EXT1: variants seen among roughly 807,000 people sequenced by gnomAD.
EXT1 encodes exostosin glycosyltransferase 1.
EXT1 carries 20 observed loss-of-function variants against 82.5 expected under a neutral mutation model. That is an observed-to-expected ratio of 0.24 (90% CI 0.17 to 0.35). The LOEUF (loss-of-function observed/expected upper bound fraction) is 0.35. EXT1 is among the 10% of genes least tolerant of loss of function. The probability of loss-of-function intolerance (pLI) is 1.00; values close to 1 mark genes in which losing one functional copy is unlikely to be tolerated. For missense variants in EXT1, 757 were observed against 936.5 expected (o/e 0.81, Z 2.50); for synonymous variants, 348 against 350.8 (o/e 0.99, Z 0.09).
chr8:117,968,976 A>G (rs1814885423), intron 1 of EXT1, among the ~76,000 whole-genome samples: 1 of 152,220 alleles, frequency 6.6e-6, no homozygotes, highest in African/African-American at 2.4e-5. Flanking sequence ...AATAAGTTCT[A>G]TACCATGGTG....
chr8:117,840,629 AAAAG>A (rs1056557106), intron 1 of EXT1, among the ~76,000 whole-genome samples: 4 of 152,030 alleles, frequency 2.6e-5, no homozygotes, highest in African/African-American at 7.2e-5. Flanking sequence ...AAAAAAAAAA[AAAAG>A]AAAGAGAGAA....
intron 8 of EXT1, among the ~76,000 whole-genome samples, chr8:117,812,194 A>G (rs964358785): frequency 6.6e-6 from 1 of 152,204 alleles, no homozygotes; most frequent in African/African-American, 2.4e-5. Flanking sequence ...GGTCCTCTGC[A>G]TGGTTTAAAG....
intron 1 of EXT1, among the ~76,000 whole-genome samples, chr8:118,056,215 A>G (rs1036605008): frequency 3.3e-5 from 5 of 152,240 alleles, no homozygotes; most frequent in African/African-American, 1.2e-4. Context: ...AATGCTTCTC[A>G]AACCTTTTTG....
At chr8:118,099,750 C>A (rs938694723) in intron 1 of EXT1, among the ~76,000 whole-genome samples, 3 of 152,250 alleles carry the variant, frequency 2.0e-5, no homozygotes, top group African/African-American at 7.2e-5. Flanking sequence ...CATTACCCTG[C>A]ACATAGGATG....
chr8:117,980,059 C>T (rs987452900), intron 1 of EXT1, among the ~76,000 whole-genome samples: 3 of 152,072 alleles, frequency 2.0e-5, no homozygotes, highest in Non-Finnish European at 2.9e-5. Flanking sequence ...TCTAAGATAG[C>T]TAGAAGTGTG....
intron 1 of EXT1, among the ~76,000 whole-genome samples, chr8:118,095,330 A>C (rs1288314585): frequency 6.6e-6 from 1 of 152,230 alleles, no homozygotes; most frequent in Non-Finnish European, 1.5e-5. Flanking sequence ...TGAGGTACTT[A>C]AATTTTAACT....
At chr8:117,820,199 A>C (rs556119617) in intron 5 of EXT1, among the ~76,000 whole-genome samples, 2 of 152,124 alleles carry the variant, frequency 1.3e-5, no homozygotes, top group African/African-American at 2.4e-5. Flanking sequence ...TACCTGACTA[A>C]TCGTATTTCA....
intron 1 of EXT1, among the ~76,000 whole-genome samples, chr8:118,075,878 A>G (rs1817199048): frequency 6.6e-6 from 1 of 152,216 alleles, no homozygotes; most frequent in African/African-American, 2.4e-5. Context: ...GCACCAAGCC[A>G]TGACGGATCA....
intron 10 of EXT1, among the ~76,000 whole-genome samples, chr8:117,800,972 C>T (rs949729228): frequency 3.3e-5 from 5 of 152,190 alleles, no homozygotes; most frequent in Non-Finnish European, 4.4e-5. Flanking sequence ...CCCCCACAAG[C>T]CCATTTATGT....
intron 1 of EXT1, among the ~76,000 whole-genome samples, chr8:117,963,647 G>A (rs538012900): frequency 3.3e-5 from 5 of 152,062 alleles, no homozygotes; most frequent in South Asian, 2.1e-4. Flanking sequence ...GACACCACAC[G>A]CCTGGCTAAT....
chr8:118,066,342 T>G (rs1029537068), intron 1 of EXT1, among the ~76,000 whole-genome samples: 38 of 141,688 alleles, frequency 2.7e-4, no homozygotes, highest in African/African-American at 1.1e-3. Context: ...CTTTATTTAT[T>G]TATTTATTTA....
chr8:117,883,357 C>A (rs919683310), intron 1 of EXT1, among the ~76,000 whole-genome samples: 1 of 152,234 alleles, frequency 6.6e-6, no homozygotes, highest in Non-Finnish European at 1.5e-5. Flanking sequence ...TCTTGTAAAA[C>A]TTCTTTGGCC....
chr8:117,890,351 C>A (rs980957833), intron 1 of EXT1, among the ~76,000 whole-genome samples: 1 of 152,144 alleles, frequency 6.6e-6, no homozygotes, highest in Non-Finnish European at 1.5e-5. Context: ...GTTGTCACAA[C>A]TGGGGAATGG....
chr8:118,091,715 A>G (rs1346561007), intron 1 of EXT1, among the ~76,000 whole-genome samples: 1 of 152,224 alleles, frequency 6.6e-6, no homozygotes, highest in Non-Finnish European at 1.5e-5. Context: ...ATTGCACTCC[A>G]GCCTGGGCGA....
chr8:118,041,701 G>GGAAGGAAA lies in EXT1; in HGVS notation c.962+68383_962+68384insTTTCCTTC, dbSNP rs1170726178. 5.3e-5 allele frequency among the ~76,000 whole-genome samples: 8 copies of GGAAGGAAA among 150,862 alleles called. No homozygotes were observed. The South Asian group carries it at 1.5e-3, about 28-fold the overall frequency. ...AGGAAGGAAGGAAGGAAGGAAGGAA[G>GGAAGGAAA]GAAGGAAGGAAGGAAGGAAAAAGAA... On this transcript the variant is annotated intron_variant, in intron 1 of 10. Transcript: ENST00000378204.
intron 1 of EXT1, among the ~76,000 whole-genome samples, chr8:117,905,896 G>GA (rs1344496478): frequency 2.0e-5 from 3 of 152,138 alleles, no homozygotes; most frequent in Non-Finnish European, 4.4e-5. Context: ...GGAGTCAGAA[G>GA]AAAAAGACCA....
chr8:117,831,455 G>A (rs1461926111), intron 3 of EXT1: 9 of 388,922 alleles, frequency 2.3e-5, no homozygotes, highest in Non-Finnish European at 4.7e-5. Flanking sequence ...TGGGTCTGGA[G>A]CTCTGAAATG....
intron 1 of EXT1, among the ~76,000 whole-genome samples, chr8:118,052,319 TG>T (rs1159556608): frequency 6.6e-6 from 1 of 152,260 alleles, no homozygotes; most frequent in East Asian, 1.9e-4. Context: ...TTAAAATCTT[TG>T]TACTCTTTAT....
At chr8:117,998,952 G>A (rs1815604062) in intron 1 of EXT1, among the ~76,000 whole-genome samples, 1 of 152,164 alleles carries the variant, frequency 6.6e-6, no homozygotes, top group Admixed American at 6.5e-5. Flanking sequence ...TTCTGAGAAG[G>A]GAGGGAACAT....
Sources: gnomAD v4.1 joint callset for allele counts (sites outside exome capture counted in the v4.1 genomes callset) on GRCh38, gnomAD v4.1.1 for gene constraint, MANE v1.5 for transcripts, NCBI Gene and HGNC (gene_info 2026-07-23, HGNC 2026-07-21) for gene names.